The following UBXN7 variants were observed in gnomAD, a reference collection of about 807,000 sequenced individuals.
The protein encoded by UBXN7 is UBX domain protein 7, also known as UBX domain-containing protein 7.
Under a neutral mutation model 58.0 loss-of-function variants are expected in UBXN7, and 9 were observed. That is an observed-to-expected ratio of 0.16 (90% CI 0.09 to 0.27). UBXN7 has a LOEUF of 0.27. Ranked by LOEUF, UBXN7 falls within the 10% of genes least tolerant of loss-of-function variation. UBXN7 has a pLI of 1.00. For synonymous variants in UBXN7, 208 were observed against 205.0 expected (o/e 1.01, Z -0.12); for missense variants, 328 against 599.6 (o/e 0.55, Z 4.73).
chr3:196,425,324 G>A (rs1730813065), intron 1 of UBXN7, among the ~76,000 whole-genome samples: 1 of 150,978 alleles, frequency 6.6e-6, no homozygotes, highest in African/African-American at 2.4e-5. Context: ...TAATATAACA[G>A]CCTTCTACTG....
intron 10 of UBXN7, among the ~76,000 whole-genome samples, chr3:196,360,350 G>T (rs1265523295): frequency 6.6e-6 from 1 of 152,204 alleles, no homozygotes; most frequent in Non-Finnish European, 1.5e-5. Flanking sequence ...GCACTCAAAG[G>T]TTCAAAAAGG....
At chr3:196,426,237 T>G (rs1403037688) in intron 1 of UBXN7, among the ~76,000 whole-genome samples, 1 of 151,472 alleles carries the variant, frequency 6.6e-6, no homozygotes, top group Non-Finnish European at 1.5e-5. Flanking sequence ...TACAAAAAAT[T>G]TAGCTGGGTG....
rs921811738 is a variant in UBXN7 at position 196,356,521 on chromosome 3, G to C, written c.*164C>G. ...AAGAGGAGAAAGAAACAAAGGGGGA[G>C]AAAGAGACTGATTATAGGAGAGATC... is the stretch of plus-strand genomic sequence containing the variant. On this transcript the variant is annotated 3_prime_UTR_variant, in exon 11 of 11. Coordinates refer to ENST00000296328, the MANE Select transcript of UBXN7 (RefSeq NM_015562.2). 4 of 693,122 alleles carry C rather than the reference G, an allele frequency of 5.8e-6. No individual in the cohort carries two copies. The highest frequency in any genetic ancestry group is 5.5e-4 in the Middle Eastern group (2 of 3,624). The allele number at this position is 693,122 out of a possible 1,614,324, so 42.9% of individuals were successfully genotyped here. A position where few individuals can be genotyped will look rare whatever the true frequency, so the allele number is the denominator to read the frequency against.
At chr3:196,360,543 T>G (rs1301240494) in intron 10 of UBXN7, among the ~76,000 whole-genome samples, 1 of 152,192 alleles carries the variant, frequency 6.6e-6, no homozygotes, top group African/African-American at 2.4e-5. Context: ...TTACTAAATA[T>G]TTTAAGCCCA....
At chr3:196,421,268 G>C (rs1392152012) in intron 1 of UBXN7, among the ~76,000 whole-genome samples, 1 of 152,318 alleles carries the variant, frequency 6.6e-6, no homozygotes, top group East Asian at 1.9e-4. Flanking sequence ...ATGCGCCCAG[G>C]AGCCAAGATG....
intron 6 of UBXN7, among the ~76,000 whole-genome samples, chr3:196,371,124 C>G (rs989354330): frequency 6.6e-6 from 1 of 152,148 alleles, no homozygotes; most frequent in African/African-American, 2.4e-5. Flanking sequence ...GTATCAAACT[C>G]AAGCTAAAAT....
At chr3:196,380,697 A>G (rs1050817611) in intron 5 of UBXN7, among the ~76,000 whole-genome samples, 2 of 152,222 alleles carry the variant, frequency 1.3e-5, no homozygotes, top group African/African-American at 4.8e-5. Context: ...GGGAAGTGCA[A>G]GGGGTCGGGG....
intron 8 of UBXN7, among the ~76,000 whole-genome samples, chr3:196,365,967 T>C (rs1728652991): frequency 6.6e-6 from 1 of 152,084 alleles, no homozygotes; most frequent in African/African-American, 2.4e-5. Context: ...ACTTCTCAAT[T>C]CATTGTGAGG....
chr3:196,358,141 G>T (rs1438196479), intron 10 of UBXN7, among the ~76,000 whole-genome samples: 1 of 152,170 alleles, frequency 6.6e-6, no homozygotes, highest in African/African-American at 2.4e-5. Flanking sequence ...TGAACCACGT[G>T]CGAGCTGAGG....
chr3:196,370,829 T>C (rs1390800662), intron 6 of UBXN7, among the ~76,000 whole-genome samples: 1 of 128,272 alleles, frequency 7.8e-6, no homozygotes, highest in Non-Finnish European at 1.6e-5. Flanking sequence ...GAGACGAGCC[T>C]GGGCAATATG....
Position 196,396,624 on chromosome 3 carries a change from G to T in UBXN7, c.290-3005C>A, listed in dbSNP as rs549594051. ...AAAAAATAGAAAAAATTAGTCAGGCGTGGTGGCGGGTACCTGTAGTCCCAG... is the reference window on the plus strand; with the variant it reads ...AAAAAATAGAAAAAATTAGTCAGGCTTGGTGGCGGGTACCTGTAGTCCCAG... On this transcript the variant is annotated intron_variant, in intron 3 of 10. Transcript: ENST00000296328. Among the ~76,000 whole-genome samples the T allele has an allele frequency of 1.4e-4, 21 of 152,000 alleles. No individual in the cohort carries two copies. In the South Asian group the frequency reaches 1.7e-3, roughly 12 times the overall value.
At chr3:196,417,009 G>C (rs1325000481) in intron 1 of UBXN7, among the ~76,000 whole-genome samples, 1 of 152,140 alleles carries the variant, frequency 6.6e-6, no homozygotes, top group African/African-American at 2.4e-5. Context: ...CACAGACACA[G>C]CAAGAAGTTA....
chr3:196,427,697 A>G (rs1257027288), intron 1 of UBXN7, among the ~76,000 whole-genome samples: 1 of 152,212 alleles, frequency 6.6e-6, no homozygotes, highest in African/African-American at 2.4e-5. Context: ...AATTGATATG[A>G]CTTCTGAGTT....
chr3:196,427,517 C>G (rs936895164), intron 1 of UBXN7, among the ~76,000 whole-genome samples: 13 of 152,200 alleles, frequency 8.5e-5, no homozygotes, highest in Admixed American at 8.5e-4. Context: ...AGGGTTTCAC[C>G]AGGTTGGCCA....
At chr3:196,420,348 C>T (rs953287677) in intron 1 of UBXN7, among the ~76,000 whole-genome samples, 2 of 151,760 alleles carry the variant, frequency 1.3e-5, no homozygotes, top group East Asian at 1.9e-4. Flanking sequence ...GCTAACACCG[C>T]GAAACCCCGT....
intron 5 of UBXN7, among the ~76,000 whole-genome samples, chr3:196,390,431 A>G (rs145226581): frequency 1.5e-3 from 223 of 152,164 alleles, no homozygotes; most frequent in African/African-American, 5.2e-3. Flanking sequence ...TTTGGCCTAC[A>G]GGGTCCTAAC....
rs1400936750 is a variant in UBXN7, at chr3:196,388,469, G to GT, written c.468+3343dup. On this transcript the variant is annotated intron_variant, in intron 5 of 10. Transcript: ENST00000296328. ...TAATAAAAGAAATAAATAAGCTACTGTTTGTTTTTTTTTTTTCCAGTCTCT... is the reference window on the plus strand; with the variant it reads ...TAATAAAAGAAATAAATAAGCTACTGTTTTGTTTTTTTTTTTTCCAGTCTCT... 3.1e-4 allele frequency among the ~76,000 whole-genome samples: 41 copies of GT among 132,282 alleles called. No homozygotes were observed. The East Asian group carries it at 7.4e-3, about 24-fold the overall frequency. The allele number at this position is 132,282 out of a possible 152,430, so 86.8% of individuals were successfully genotyped here. A position where few individuals can be genotyped will look rare whatever the true frequency, so the allele number is the denominator to read the frequency against.
chr3:196,351,094 G>A lies in UBXN7; in HGVS notation c.*5591C>T, dbSNP rs1482797094. The A allele has an allele frequency of 6.6e-6, 1 of 152,056 alleles. No homozygotes were observed. Among genetic ancestry groups the A allele is most frequent in the Non-Finnish European group, 1.5e-5 (1 of 67,896 alleles). The allele number at this position is 152,056 out of a possible 1,614,324, so 9.4% of individuals were successfully genotyped here. On this transcript the variant is annotated 3_prime_UTR_variant, in exon 11 of 11. Transcript: ENST00000296328. ...TTACATGATGGTCAAAAAAGGCAGA[G>A]AGACGGTAAGAATGACATAATAAAG...
intron 8 of UBXN7, among the ~76,000 whole-genome samples, chr3:196,366,749 C>A (rs1269618439): frequency 6.6e-6 from 1 of 151,940 alleles, no homozygotes; most frequent in Admixed American, 6.6e-5. Context: ...GCTTAGCTGG[C>A]ATGGTGATGC....
Sources: allele counts gnomAD v4.1 joint callset (sites outside exome capture counted in the v4.1 genomes callset), GRCh38; gene constraint gnomAD v4.1.1; transcripts MANE v1.5; gene names NCBI Gene and HGNC (gene_info 2026-07-23, HGNC 2026-07-21).